Variants in ESRP1 observed in about 807,000 individuals in gnomAD.
ESRP1 encodes RNA-binding motif protein 35A.
A neutral mutation model predicts 81.7 loss-of-function variants in ESRP1; 33 were observed. The ratio of observed to expected loss-of-function variants is 0.40; its 90% confidence interval spans 0.31 to 0.54. ESRP1 has a LOEUF of 0.54. Ranked by LOEUF, ESRP1 falls within the 20% of genes least tolerant of loss-of-function variation. The pLI is 0.41. For missense variants in ESRP1, 672 were observed against 833.1 expected (o/e 0.81, Z 2.38); for synonymous variants, 320 against 303.3 (o/e 1.06, Z -0.57).
At position 94,706,949 on chromosome 8, in the gene ESRP1, T is replaced by G. The variant is rs537173426; in HGVS notation, c.*1060T>G. The G allele has an allele frequency of 1.3e-5, 2 of 152,258 alleles. No homozygotes were observed. The highest frequency in any genetic ancestry group is 2.9e-5 in the Non-Finnish European group (2 of 68,046). The allele number at this position is 152,258 out of a possible 1,614,324, so 9.4% of individuals were successfully genotyped here. A position where few individuals can be genotyped will look rare whatever the true frequency, so the allele number is the denominator to read the frequency against. On this transcript the variant is annotated 3_prime_UTR_variant, in exon 16 of 16. Coordinates refer to ENST00000433389, the MANE Select transcript of ESRP1 (RefSeq NM_017697.4). ...TGCTAGACTGAGAGGTAAACACTGA[T>G]GCAATTAGAACAGGTACTGATGCTG...
intron 9 of ESRP1, among the ~76,000 whole-genome samples, chr8:94,666,904 A>T (rs1038684536): frequency 6.6e-6 from 1 of 152,306 alleles, no homozygotes; most frequent in African/African-American, 2.4e-5. Flanking sequence ...GCACTGCGAT[A>T]AGAATTTGCT....
intron 1 of ESRP1, 64 bp from the exon 2 acceptor site, chr8:94,641,892 A>T: frequency 1.9e-6 from 3 of 1,593,776 alleles, no homozygotes; most frequent in Non-Finnish European, 2.6e-6. Flanking sequence ...GGAGCGAGGG[A>T]GGAGGGTGCA....
chr8:94,683,030 C>T (rs1475107913), intron 13 of ESRP1, among the ~76,000 whole-genome samples: 2 of 142,008 alleles, frequency 1.4e-5, no homozygotes, highest in East Asian at 2.1e-4. Flanking sequence ...CTGCAGCCTC[C>T]GCCTCCTGGG....
intron 2 of ESRP1, among the ~76,000 whole-genome samples, chr8:94,642,347 A>C (rs1365202): frequency 0.5 from 76,468 of 152,152 alleles, 19,557 homozygotes; most frequent in South Asian, 0.69. Flanking sequence ...GGAGCCGGAG[A>C]GTCAGCTCCA....
At chr8:94,700,937 ATGTGTG>A (rs1158857032) in intron 15 of ESRP1, among the ~76,000 whole-genome samples, 5 of 125,740 alleles carry the variant, frequency 4.0e-5, no homozygotes, top group Non-Finnish European at 6.4e-5. Flanking sequence ...TCAAAAAAAA[ATGTGTG>A]TGTGTGTGTA....
rs113270529 is a variant in ESRP1, at chr8:94,698,390, TTA to T, written c.*35+1431_*35+1432del. On this transcript the variant is annotated intron_variant, in intron 15 of 15. Transcript: ENST00000433389. ...ACTGGCTTATTTATTTCACTTAGCATTATGTGTTTAAGTAGATTTGGGCATAC... is the reference window on the plus strand; with the variant it reads ...ACTGGCTTATTTATTTCACTTAGCATTGTGTTTAAGTAGATTTGGGCATAC... Among the ~76,000 whole-genome samples, 976 of 152,324 alleles carry T rather than the reference TTA, an allele frequency of 6.4e-3. 3 individuals are homozygous for T. The highest frequency in any genetic ancestry group is 0.02 in the Middle Eastern group (6 of 294).
intron 13 of ESRP1, among the ~76,000 whole-genome samples, chr8:94,683,234 G>A (rs944063771): frequency 4.0e-5 from 6 of 151,794 alleles, no homozygotes; most frequent in Non-Finnish European, 7.4e-5. Context: ...GTAAGCCACC[G>A]CGCCCGGCCT....
chr8:94,703,475 C>T (rs944951706), intron 15 of ESRP1, among the ~76,000 whole-genome samples: 2 of 152,122 alleles, frequency 1.3e-5, no homozygotes, highest in African/African-American at 4.8e-5. Context: ...CACAGTCAAA[C>T]TCCACTGGCA....
At chr8:94,690,191 G>T (rs1471047599) in intron 13 of ESRP1, among the ~76,000 whole-genome samples, 6 of 150,830 alleles carry the variant, frequency 4.0e-5, no homozygotes, top group Non-Finnish European at 7.4e-5. Context: ...GGCCAGGCTG[G>T]TGTCAAATTC....
chr8:94,705,902 ACT>A, intron 15 of ESRP1, 21 bp from the exon 16 acceptor site: 1 of 1,207,574 alleles, frequency 8.3e-7, no homozygotes, highest in Non-Finnish European at 1.1e-6. Context: ...CCTTTTATTC[ACT>A]TTTTTTTTTT....
chr8:94,641,551 T>G, intron 1 of ESRP1, 101 bp downstream of exon 1: 1 of 1,517,542 alleles, frequency 6.6e-7, no homozygotes, highest in Middle Eastern at 1.7e-4. Flanking sequence ...ATAAGTGCTC[T>G]TGTTTGCCCA....
At chr8:94,675,828 AG>A (rs1227955732) in intron 12 of ESRP1, among the ~76,000 whole-genome samples, 1 of 152,200 alleles carries the variant, frequency 6.6e-6, no homozygotes, top group Non-Finnish European at 1.5e-5. Context: ...CAAATAAAAA[AG>A]ATTTAAAATC....
At chr8:94,671,798 A>T in intron 11 of ESRP1, 127 bp downstream of exon 11, 1 of 600,298 alleles carries the variant, frequency 1.7e-6, no homozygotes, top group Non-Finnish European at 2.6e-6. Context: ...GATAAATAAA[A>T]TTAGTCTGAG....
At chr8:94,669,413 G>A (rs1169414793) in intron 10 of ESRP1, among the ~76,000 whole-genome samples, 1 of 152,050 alleles carries the variant, frequency 6.6e-6, no homozygotes, top group Non-Finnish European at 1.5e-5. Context: ...TATATGTTGT[G>A]ATTTTAAATA....
At chr8:94,673,940 C>G (rs1047573172) in intron 11 of ESRP1, among the ~76,000 whole-genome samples, 1 of 152,088 alleles carries the variant, frequency 6.6e-6, no homozygotes, top group Non-Finnish European at 1.5e-5. Context: ...TAGCTTTTCT[C>G]AATTGAATGA....
At chr8:94,651,313 A>G (rs1818118966) in intron 4 of ESRP1, among the ~76,000 whole-genome samples, 1 of 129,980 alleles carries the variant, frequency 7.7e-6, no homozygotes, top group Admixed American at 9.3e-5. Flanking sequence ...CTGTAATGCT[A>G]TCGTGGCTCA....
chr8:94,684,723 C>T (rs1809065178), intron 13 of ESRP1, among the ~76,000 whole-genome samples: 1 of 152,194 alleles, frequency 6.6e-6, no homozygotes, highest in Non-Finnish European at 1.5e-5. Flanking sequence ...ATTTCTCTAA[C>T]CATACATATG....
At chr8:94,690,352 C>T (rs568893945) in intron 13 of ESRP1, among the ~76,000 whole-genome samples, 30 of 129,394 alleles carry the variant, frequency 2.3e-4, no homozygotes, top group Admixed American at 6.5e-4. Context: ...AGGCTGGTCT[C>T]GAACTCCTGG....
At chr8:94,678,422 T>C (rs1808730231) in intron 13 of ESRP1, 51 bp downstream of exon 13, 2 of 1,581,372 alleles carry the variant, frequency 1.3e-6, no homozygotes, top group Admixed American at 1.8e-5. Flanking sequence ...AGGACTCCTT[T>C]GATAGCCAGT....
Sources: gnomAD v4.1 joint callset for allele counts (sites outside exome capture counted in the v4.1 genomes callset) on GRCh38, gnomAD v4.1.1 for gene constraint, MANE v1.5 for transcripts, NCBI Gene and HGNC (gene_info 2026-07-23, HGNC 2026-07-21) for gene names.